The following PCBP3 variants were observed in gnomAD, a reference collection of about 807,000 sequenced individuals.
PCBP3 encodes poly(rC) binding protein 3.
Under a neutral mutation model 52.7 loss-of-function variants are expected in PCBP3, and 25 were observed. The ratio of observed to expected loss-of-function variants is 0.47; its 90% CI spans 0.35 to 0.66. PCBP3 has a LOEUF of 0.66. Among genes scored for constraint, PCBP3 ranks in the 30% least tolerant of loss-of-function variants. PCBP3 has a pLI of 0.01. For missense variants in PCBP3, 391 were observed against 490.3 expected (o/e 0.80, Z 1.91); for synonymous variants, 162 against 183.0 (o/e 0.89, Z 0.93).
At position 45,762,486 on chromosome 21, in the gene PCBP3, C is replaced by CTTTTTTT. The variant is rs1401689005; in HGVS notation, c.-126+7036_-126+7037insTTTTTTT. 20 of 95,304 alleles carry CTTTTTTT rather than the reference C, an allele frequency of 2.1e-4. 1 individual carries two copies. Among genetic ancestry groups the CTTTTTTT allele is most frequent in the African/African-American group, 6.6e-4 (20 of 30,486 alleles). The allele number at this position is 95,304 out of a possible 1,614,324, so 5.9% of individuals were successfully genotyped here. On this transcript the variant is annotated intron_variant, in intron 4 of 17. Transcript: ENST00000681687. ...GTGCTTCACCTTTTTCTTTTCTTTT[C>CTTTTTTT]TTCTCTTTTTTTTTTTTTTTTGAGA...
chr21:45,857,031 GCTGTC>G (rs1471902148), intron 5 of PCBP3, among the ~76,000 whole-genome samples: 1 of 152,174 alleles, frequency 6.6e-6, no homozygotes, highest in Admixed American at 6.5e-5. Flanking sequence ...TCTCATAGTG[GCTGTC>G]CTTAGAGACA....
intron 4 of PCBP3, among the ~76,000 whole-genome samples, chr21:45,847,313 T>C (rs1569303165): frequency 6.6e-6 from 1 of 152,238 alleles, no homozygotes; most frequent in Non-Finnish European, 1.5e-5. Flanking sequence ...CTGATTCATC[T>C]ACCTCTGATT....
intron 5 of PCBP3, among the ~76,000 whole-genome samples, chr21:45,861,142 G>A (rs1243191874): frequency 6.6e-6 from 1 of 152,124 alleles, no homozygotes; most frequent in Admixed American, 6.5e-5. Flanking sequence ...GTGTGCAGCC[G>A]CCTCCATGCC....
At chr21:45,773,990 TA>T (rs2090067642) in intron 4 of PCBP3, among the ~76,000 whole-genome samples, 4 of 152,344 alleles carry the variant, frequency 2.6e-5, no homozygotes, top group Admixed American at 2.6e-4. Context: ...GTAGCTGTTG[TA>T]AATGTGATTG....
intron 2 of PCBP3, among the ~76,000 whole-genome samples, chr21:45,702,394 A>G (rs2083185525): frequency 6.6e-6 from 1 of 152,206 alleles, no homozygotes; most frequent in African/African-American, 2.4e-5. Flanking sequence ...CATCAGAAAC[A>G]TCAGGTATAG....
intron 5 of PCBP3, among the ~76,000 whole-genome samples, chr21:45,884,805 A>G (rs2095481054): frequency 6.6e-6 from 1 of 152,238 alleles, no homozygotes; most frequent in Admixed American, 6.5e-5. Flanking sequence ...TACTGCTGTC[A>G]ACATTTCACC....
rs1331310818 is a variant in PCBP3 at position 45,656,331 on chromosome 21, A to G, written c.-279+12463A>G. Among the ~76,000 whole-genome samples, 2 of 152,224 alleles carry G rather than the reference A, an allele frequency of 1.3e-5. No individual in the cohort carries two copies. Among genetic ancestry groups the G allele is most frequent in the African/African-American group, 2.4e-5 (1 of 41,460 alleles). On this transcript the variant is annotated intron_variant, in intron 1 of 17. Transcript: ENST00000681687. This position sits in a 1 kb window ranked among gnomAD's most constrained non-coding sequence, Gnocchi z 4.3. ...TGCAGCCATAAAAAAGGATGAGTTC[A>G]TATCCTTTGCAGGGACATGGATGAA... is the stretch of plus-strand genomic sequence containing the variant.
At chr21:45,780,803 A>AGT (rs2090581566) in intron 4 of PCBP3, among the ~76,000 whole-genome samples, 1 of 152,206 alleles carries the variant, frequency 6.6e-6, no homozygotes, top group Non-Finnish European at 1.5e-5. Context: ...CAAGAGAGAG[A>AGT]GAGAGCCAGG....
chr21:45,905,104 C>G (rs1390477490), intron 9 of PCBP3, among the ~76,000 whole-genome samples: 2 of 152,230 alleles, frequency 1.3e-5, no homozygotes, highest in African/African-American at 4.8e-5. Flanking sequence ...TCTTCCTTTT[C>G]AAAATCAGGG....
intron 4 of PCBP3, chr21:45,828,977 T>G (rs1446132930): frequency 6.6e-6 from 1 of 152,322 alleles, no homozygotes; most frequent in Non-Finnish European, 1.5e-5. Context: ...CAGAAGGTGT[T>G]GTGTCTGACT....
chr21:45,676,726 A>G (rs1181264891), intron 2 of PCBP3, among the ~76,000 whole-genome samples: 6 of 152,062 alleles, frequency 3.9e-5, no homozygotes, highest in African/African-American at 1.2e-4. Context: ...AGTGGCCTCT[A>G]CATGTTCAGG....
intron 3 of PCBP3, among the ~76,000 whole-genome samples, chr21:45,742,786 A>G (rs2086549256): frequency 6.6e-6 from 1 of 152,136 alleles, no homozygotes; most frequent in Non-Finnish European, 1.5e-5. Context: ...TGAATTCTCT[A>G]ATTGACCTCT....
In PCBP3 at chr21:45,735,863, A is replaced by G. The variant is rs982656801; in HGVS notation, c.-162+434A>G. 1.3e-5 allele frequency among the ~76,000 whole-genome samples: 2 copies of G among 152,186 alleles called. No homozygotes were observed. The highest frequency in any genetic ancestry group is 4.8e-5 in the African/African-American group (2 of 41,460). On this transcript the variant is annotated intron_variant, in intron 3 of 17. Coordinates refer to ENST00000681687, the MANE Select transcript of PCBP3 (RefSeq NM_001384156.1). This position sits in a 1 kb window ranked among gnomAD's most constrained non-coding sequence, Gnocchi z 4.0. ...AGTGCCTGTGTGTGCGGTGGCCATG[A>G]TGGCACCACAATGTCTGAAGCCACA... is the stretch of plus-strand genomic sequence containing the variant.
At chr21:45,695,044 C>A (rs1252751640) in intron 2 of PCBP3, among the ~76,000 whole-genome samples, 1 of 152,052 alleles carries the variant, frequency 6.6e-6, no homozygotes, top group Non-Finnish European at 1.5e-5. Flanking sequence ...TCTCCACCAG[C>A]CATTATGAGG....
In PCBP3 at chr21:45,788,126, A is replaced by C. The variant is rs538987871; in HGVS notation, c.-126+32674A>C. Among the ~76,000 whole-genome samples the C allele has an allele frequency of 2.6e-5, 4 of 152,172 alleles. No homozygotes were observed. The East Asian group carries it at 7.7e-4, about 29-fold the overall frequency. ...GCTGTGACCTGTAGAATCGTGTCTGACCATTTCTGGAGGATGCAGTACTGA... is the reference window on the plus strand; with the variant it reads ...GCTGTGACCTGTAGAATCGTGTCTGCCCATTTCTGGAGGATGCAGTACTGA... On this transcript the variant is annotated intron_variant, in intron 4 of 17. Coordinates refer to ENST00000681687, the MANE Select transcript of PCBP3 (RefSeq NM_001384156.1). This position sits in a 1 kb window ranked among gnomAD's most constrained non-coding sequence, Gnocchi z 4.3.
At chr21:45,804,280 G>C (rs2146835270) in intron 4 of PCBP3, among the ~76,000 whole-genome samples, 1 of 152,240 alleles carries the variant, frequency 6.6e-6, no homozygotes, top group East Asian at 1.9e-4. Flanking sequence ...AGAATTAGTG[G>C]TACAATATCT....
rs146788956 is a variant in PCBP3 at position 45,702,604 on chromosome 21, A to G, written c.-199-32788A>G. On this transcript the variant is annotated intron_variant, in intron 2 of 17. Transcript: ENST00000681687. ...AAATACTTTATTGCTAAAAAATGCTAATAATCATCTGAGCCTTCAGTGAGT... is the reference window on the plus strand; with the variant it reads ...AAATACTTTATTGCTAAAAAATGCTGATAATCATCTGAGCCTTCAGTGAGT... Among the ~76,000 whole-genome samples the G allele has an allele frequency of 3.1e-4, 47 of 152,346 alleles. No homozygotes were observed. In the East Asian group the frequency reaches 8.1e-3, roughly 26 times the overall value.
chr21:45,644,499 G>C (rs887294875), intron 1 of PCBP3, among the ~76,000 whole-genome samples: 4 of 124,634 alleles, frequency 3.2e-5, no homozygotes, highest in African/African-American at 1.2e-4. Flanking sequence ...CTTGTTTCGT[G>C]AAAGAGTTTT....
chr21:45,658,095 G>T (rs961774571), intron 1 of PCBP3, among the ~76,000 whole-genome samples: 4 of 152,068 alleles, frequency 2.6e-5, no homozygotes, highest in African/African-American at 9.7e-5. Context: ...TCCCTATTTT[G>T]TTGAGTGTTA....
Sources: allele counts gnomAD v4.1 joint callset (sites outside exome capture counted in the v4.1 genomes callset), GRCh38; gene constraint gnomAD v4.1.1; non-coding constraint Gnocchi (gnomAD v3.1); transcripts MANE v1.5; gene names NCBI Gene and HGNC (gene_info 2026-07-23, HGNC 2026-07-21).